Variants in PCOLCE2 observed in about 807,000 individuals in gnomAD.
The protein encoded by PCOLCE2 is procollagen C-proteinase enhancer 2.
Under a neutral mutation model 47.0 loss-of-function variants are expected in PCOLCE2, and 42 were observed. The ratio of observed to expected loss-of-function variants is 0.89; its 90% confidence interval spans 0.70 to 1.16. The LOEUF (loss-of-function observed/expected upper bound fraction) is 1.16. Ranked by LOEUF, PCOLCE2 falls within the 50% of genes most tolerant of loss-of-function variation. The pLI, the probability that PCOLCE2 is intolerant of heterozygous loss-of-function variation, is 0.00. For synonymous variants in PCOLCE2, 169 were observed against 191.7 expected (o/e 0.88, Z 0.98); for missense variants, 500 against 526.1 (o/e 0.95, Z 0.49).
At chr3:142,855,480 T>C (rs1287058866) in intron 2 of PCOLCE2, among the ~76,000 whole-genome samples, 1 of 152,172 alleles carries the variant, frequency 6.6e-6, no homozygotes, top group Non-Finnish European at 1.5e-5. Context: ...ATGACTTGCC[T>C]AAGGCCACCC....
At chr3:142,839,003 G>T in intron 4 of PCOLCE2, 97 bp from the exon 5 acceptor site, 1 of 922,860 alleles carries the variant, frequency 1.1e-6, no homozygotes, top group Non-Finnish European at 1.6e-6. Flanking sequence ...AGGATACTAC[G>T]ATTTTCCTTT....
intron 5 of PCOLCE2, among the ~76,000 whole-genome samples, chr3:142,833,541 A>T (rs1349102455): frequency 3.4e-5 from 5 of 146,118 alleles, no homozygotes; most frequent in African/African-American, 1.3e-4. Flanking sequence ...CACTGTTTTC[A>T]TTGCTTTATA....
chr3:142,822,751 T>A (rs528838044), intron 7 of PCOLCE2, among the ~76,000 whole-genome samples: 1 of 152,304 alleles, frequency 6.6e-6, no homozygotes, highest in East Asian at 1.9e-4. Context: ...TCTTCACACC[T>A]TCACTATGAT....
At chr3:142,885,891 G>A (rs1006160265) in intron 2 of PCOLCE2, among the ~76,000 whole-genome samples, 14 of 152,180 alleles carry the variant, frequency 9.2e-5, no homozygotes, top group African/African-American at 3.1e-4. Flanking sequence ...CTGTCCCCTT[G>A]CTCATTCCAT....
In PCOLCE2 at chr3:142,820,871, T is replaced by C. The variant is rs745740867; in HGVS notation, c.1117+7A>G. On this transcript the variant is annotated splice_region_variant and intron_variant, in intron 8 of 8. Transcript: ENST00000295992. ...GCTCAGAGACACCCAGTTTTCTCCC[T>C]ACTCACCTCTTCTGAGGAGAGGGCA... 1.2e-6 allele frequency: 2 copies of C among 1,604,692 alleles called. No homozygotes were observed. Among genetic ancestry groups the C allele is most frequent in the Admixed American group, 1.7e-5 (1 of 59,900 alleles).
intron 6 of PCOLCE2, among the ~76,000 whole-genome samples, chr3:142,829,162 C>T (rs1454803878): frequency 6.6e-6 from 1 of 152,130 alleles, no homozygotes; most frequent in African/African-American, 2.4e-5. Flanking sequence ...CTCAGCCCCC[C>T]AGGCCAGTTT....
intron 2 of PCOLCE2, among the ~76,000 whole-genome samples, chr3:142,877,496 G>C (rs1182518494): frequency 2.0e-5 from 3 of 152,144 alleles, no homozygotes. Flanking sequence ...AATAAATAAA[G>C]CAACACTACC....
chr3:142,887,642 G>T (rs761494638), intron 2 of PCOLCE2, 27 bp downstream of exon 2: 1 of 1,183,064 alleles, frequency 8.5e-7, no homozygotes, highest in South Asian at 1.2e-5. Flanking sequence ...CCACTTCCAG[G>T]AGAATACCTT....
chr3:142,849,887 G>A (rs1189703970), intron 2 of PCOLCE2, among the ~76,000 whole-genome samples: 2 of 152,152 alleles, frequency 1.3e-5, no homozygotes, highest in African/African-American at 4.8e-5. Context: ...AGTGCCATAC[G>A]TTTTATTTTC....
chr3:142,848,468 G>A lies in PCOLCE2; in HGVS notation c.197C>T (p.Pro66Leu). The A allele has an allele frequency of 6.3e-7, 1 of 1,594,782 alleles. No homozygotes were observed. Among genetic ancestry groups the A allele is most frequent in the African/African-American group, 1.3e-5 (1 of 74,406 alleles). The change falls in exon 3 of 9, where the codon CCC becomes CTC. Residue 66 changes from proline (P) to leucine (L), a missense_variant. By Grantham distance (98) the Pro-to-Leu change is moderately conservative. Coordinates refer to ENST00000295992, the MANE Select transcript of PCOLCE2 (RefSeq NM_013363.4). ...NSKCTWKITV[P>L]EGKVVVLNFR... ...ATTGAGAACGACTACTTTTCCTTCG[G>A]GAACCTGCCAAGAAAAGCGCCAATT... is the stretch of plus-strand genomic sequence containing the variant.
intron 2 of PCOLCE2, among the ~76,000 whole-genome samples, chr3:142,871,043 C>T (rs1328587451): frequency 6.6e-6 from 1 of 152,232 alleles, no homozygotes; most frequent in Non-Finnish European, 1.5e-5. Context: ...GACCCCTGGC[C>T]TCCGCTGCCA....
intron 2 of PCOLCE2, among the ~76,000 whole-genome samples, chr3:142,852,034 A>T (rs950090447): frequency 3.9e-5 from 6 of 152,252 alleles, no homozygotes; most frequent in African/African-American, 1.4e-4. Flanking sequence ...ACATCATTGC[A>T]ATTTTGAACA....
intron 2 of PCOLCE2, among the ~76,000 whole-genome samples, chr3:142,880,608 C>A (rs1933594378): frequency 3.9e-5 from 6 of 152,210 alleles, no homozygotes; most frequent in Admixed American, 3.9e-4. Context: ...AGACATAAAT[C>A]CCAATCACAT....
At chr3:142,887,538 G>A (rs1933738585) in intron 2 of PCOLCE2, 131 bp downstream of exon 2, 1 of 621,030 alleles carries the variant, frequency 1.6e-6, no homozygotes, top group Non-Finnish European at 2.9e-6. Context: ...AATAGTTGGG[G>A]TAAATCCAAC....
chr3:142,825,596 C>T (rs755031168), intron 6 of PCOLCE2, among the ~76,000 whole-genome samples: 2 of 151,068 alleles, frequency 1.3e-5, no homozygotes, highest in Non-Finnish European at 3.0e-5. Context: ...ACCAGGACAG[C>T]GTTCTCCCCT....
At chr3:142,820,169 G>T (rs1936996986) in intron 8 of PCOLCE2, among the ~76,000 whole-genome samples, 1 of 150,680 alleles carries the variant, frequency 6.6e-6, no homozygotes, top group Non-Finnish European at 1.5e-5. Flanking sequence ...TCGAACTTCT[G>T]GGCTCAAGCA....
In PCOLCE2 at chr3:142,867,833, T is replaced by G. The variant is rs568327573; in HGVS notation, c.193-19361A>C. Among the ~76,000 whole-genome samples the G allele has an allele frequency of 1.1e-4, 17 of 152,302 alleles. No individual in the cohort carries two copies. In the South Asian group the frequency reaches 3.3e-3, roughly 30 times the overall value. The stretch of plus-strand genomic sequence containing the variant: ...TCTCATATAGTAAAGCAGATACCTA[T>G]ATATATAAATAAATTAGAAATATCA... On this transcript the variant is annotated intron_variant, in intron 2 of 8. Coordinates refer to ENST00000295992, the MANE Select transcript of PCOLCE2 (RefSeq NM_013363.4).
chr3:142,887,951 TAGCCTGACAA>T (rs1362014522), intron 1 of PCOLCE2, among the ~76,000 whole-genome samples, 174 bp from the exon 2 acceptor site: 2 of 152,238 alleles, frequency 1.3e-5, no homozygotes, highest in Non-Finnish European at 2.9e-5. Context: ...ATTTAAATTA[TAGCCTGACAA>T]AGCATTCAGT....
intron 2 of PCOLCE2, among the ~76,000 whole-genome samples, chr3:142,872,335 G>T (rs1933407390): frequency 1.3e-5 from 2 of 152,076 alleles, no homozygotes; most frequent in South Asian, 4.2e-4. Flanking sequence ...TTTCTACGGG[G>T]GCCCTTACTG....
Sources: gnomAD v4.1 joint callset for allele counts (sites outside exome capture counted in the v4.1 genomes callset) on GRCh38, gnomAD v4.1.1 for gene constraint, MANE v1.5 for transcripts, NCBI Gene and HGNC (gene_info 2026-07-23, HGNC 2026-07-21) for gene names.